The following ZFHX3 variants were observed in gnomAD, a reference collection of about 807,000 sequenced individuals.
The protein encoded by ZFHX3 is zinc finger homeobox protein 3.
In ZFHX3, 42 loss-of-function variants were observed where a neutral mutation model predicts 279.1. The ratio of observed to expected loss-of-function variants is 0.15; its 90% CI spans 0.12 to 0.19. The LOEUF (loss-of-function observed/expected upper bound fraction) is 0.19, where lower values mean the gene tolerates loss of function less well. Ranked by LOEUF, ZFHX3 falls within the 10% of genes least tolerant of loss-of-function variation. The probability of loss-of-function intolerance (pLI) is 1.00; values close to 1 mark genes in which losing one functional copy is unlikely to be tolerated. For synonymous variants in ZFHX3, 2,293 were observed against 1,957.8 expected, an observed-to-expected ratio of 1.17 and a Z score of -4.52; for missense variants, 4,981 against 4,754.0, an observed-to-expected ratio of 1.05 and a Z score of -1.40.
chr16:73,180,942 C>T (rs920369607), intron 5 of ZFHX3, among the ~76,000 whole-genome samples: 42 of 152,296 alleles, frequency 2.8e-4, no homozygotes, highest in African/African-American at 9.9e-4. Flanking sequence ...GGATTACAGG[C>T]GTGAGCCACC....
chr16:73,786,902 T>G (rs1413996774), intron 1 of ZFHX3, among the ~76,000 whole-genome samples: 1 of 152,220 alleles, frequency 6.6e-6, no homozygotes, highest in Admixed American at 6.5e-5. Context: ...GCTGAGGTTT[T>G]CATGTTCCAG....
At chr16:73,398,323 G>A (rs1384023782) in intron 3 of ZFHX3, among the ~76,000 whole-genome samples, 1 of 152,158 alleles carries the variant, frequency 6.6e-6, no homozygotes, top group Non-Finnish European at 1.5e-5. Context: ...GAAGACCAGG[G>A]AAAAAGTGTC....
At chr16:72,971,403 C>T (rs1962098756) in intron 1 of ZFHX3, among the ~76,000 whole-genome samples, 2 of 152,162 alleles carry the variant, frequency 1.3e-5, no homozygotes, top group African/African-American at 4.8e-5. Context: ...TTTTTCTGAA[C>T]ATGTTGTTTT....
chr16:73,025,985 C>A (rs1453283135), intron 1 of ZFHX3, among the ~76,000 whole-genome samples: 1 of 152,070 alleles, frequency 6.6e-6, no homozygotes, highest in East Asian at 1.9e-4. Flanking sequence ...AGCTCAACCT[C>A]TCACGCCAGA....
chr16:72,931,739 A>G (rs1029487011), intron 3 of ZFHX3, among the ~76,000 whole-genome samples: 6 of 152,284 alleles, frequency 3.9e-5, no homozygotes, highest in African/African-American at 7.2e-5. Context: ...TGTGAACATT[A>G]AAGTGAGATT....
intron 2 of ZFHX3, among the ~76,000 whole-genome samples, chr16:73,588,242 A>G (rs1012268145): frequency 6.6e-6 from 1 of 152,226 alleles, no homozygotes; most frequent in Admixed American, 6.5e-5. Flanking sequence ...TAAAAGTTAA[A>G]GAATGCAGAT....
At chr16:73,853,268 G>A (rs527553118) in intron 1 of ZFHX3, among the ~76,000 whole-genome samples, 3 of 152,304 alleles carry the variant, frequency 2.0e-5, no homozygotes, top group Admixed American at 6.5e-5. Context: ...ACAATACAGA[G>A]ATTTCTCAAA....
chr16:72,933,758 A>T (rs186446563), intron 3 of ZFHX3, among the ~76,000 whole-genome samples: 10 of 152,032 alleles, frequency 6.6e-5, no homozygotes, highest in African/African-American at 2.2e-4. Flanking sequence ...GCAAAACACT[A>T]AAAAGACCCA....
At chr16:73,659,795 C>T (rs1235530186) in intron 2 of ZFHX3, among the ~76,000 whole-genome samples, 1 of 152,096 alleles carries the variant, frequency 6.6e-6, no homozygotes, top group East Asian at 1.9e-4. Flanking sequence ...TTATTGCATG[C>T]GGTTCCAAAA....
intron 1 of ZFHX3, among the ~76,000 whole-genome samples, chr16:73,706,532 C>T (rs537670681): frequency 6.6e-6 from 1 of 151,736 alleles, no homozygotes; most frequent in Non-Finnish European, 1.5e-5. Flanking sequence ...CCCTGAAGAG[C>T]ATCACAGGGG....
chr16:73,584,479 T>C (rs1025368898), intron 2 of ZFHX3, among the ~76,000 whole-genome samples: 7 of 152,178 alleles, frequency 4.6e-5, no homozygotes, highest in Non-Finnish European at 8.8e-5. Context: ...ATCAGCAATA[T>C]GTTAAGAGAA....
intron 3 of ZFHX3, among the ~76,000 whole-genome samples, chr16:73,324,154 T>C (rs933096995): frequency 2.6e-5 from 4 of 152,196 alleles, no homozygotes; most frequent in African/African-American, 9.7e-5. Context: ...TGGAGAGGAA[T>C]GGACTCATAT....
intron 1 of ZFHX3, among the ~76,000 whole-genome samples, chr16:73,848,926 C>A (rs1252395948): frequency 6.6e-6 from 1 of 152,116 alleles, no homozygotes; most frequent in Admixed American, 6.5e-5. Context: ...AGCCACATTC[C>A]TTCCAGGACT....
chr16:73,376,802 T>C (rs2016730188), intron 3 of ZFHX3, among the ~76,000 whole-genome samples: 1 of 152,168 alleles, frequency 6.6e-6, no homozygotes, highest in East Asian at 1.9e-4. Context: ...GTAACTGATT[T>C]CTCTGTCTTG....
intron 4 of ZFHX3, among the ~76,000 whole-genome samples, chr16:73,278,662 C>CT (rs1206992599): frequency 1.6e-4 from 24 of 152,294 alleles, no homozygotes; most frequent in African/African-American, 5.5e-4. Context: ...TCAGAGTGCT[C>CT]TTTTTTCAGT....
chr16:73,785,482 C>T (rs1403445517), intron 1 of ZFHX3, among the ~76,000 whole-genome samples: 1 of 151,866 alleles, frequency 6.6e-6, no homozygotes, highest in Admixed American at 6.6e-5. Flanking sequence ...TCTAAAAAGG[C>T]TTCTGCCCTG....
At chr16:73,455,607 G>C (rs2018358081) in intron 3 of ZFHX3, among the ~76,000 whole-genome samples, 1 of 152,020 alleles carries the variant, frequency 6.6e-6, no homozygotes. Context: ...CCATTCAAAG[G>C]ACTTATTAGA....
chr16:72,980,616 AC>A (rs762586589), intron 1 of ZFHX3, among the ~76,000 whole-genome samples: 29,636 of 147,164 alleles, frequency 0.2, 3,035 homozygotes, highest in African/African-American at 0.22. Flanking sequence ...AAAAAAAAAA[AC>A]AAAAACAGCT....
At chr16:73,701,708 C>G (rs1366643297) in intron 1 of ZFHX3, among the ~76,000 whole-genome samples, 4 of 152,030 alleles carry the variant, frequency 2.6e-5, no homozygotes. Context: ...ACCTTTTACC[C>G]TGCTACATAA....
Sources: allele counts gnomAD v4.1 joint callset (sites outside exome capture counted in the v4.1 genomes callset), GRCh38; gene constraint gnomAD v4.1.1; transcripts MANE v1.5; gene names NCBI Gene and HGNC (gene_info 2026-07-23, HGNC 2026-07-21).